RALY: variants seen among roughly 807,000 people sequenced by gnomAD.
The protein encoded by RALY is RALY heterogeneous nuclear ribonucleoprotein.
Under a neutral mutation model 30.7 loss-of-function variants are expected in RALY, and 15 were observed. The observed-to-expected ratio is 0.49, with a 90% CI of 0.33 to 0.75. The LOEUF is 0.75. Among genes scored for constraint, RALY ranks in the 30% least tolerant of loss-of-function variants. RALY has a pLI of 0.02. For synonymous variants in RALY, 177 were observed against 170.8 expected (o/e 1.04, Z -0.28); for missense variants, 339 against 414.3 (o/e 0.82, Z 1.58).
chr20:34,020,971 A>AT (rs1485287803), intron 1 of RALY, among the ~76,000 whole-genome samples: 4 of 148,572 alleles, frequency 2.7e-5, no homozygotes, highest in African/African-American at 9.9e-5. Flanking sequence ...TAATTAGTTT[A>AT]TTTTTTTTGA....
intron 2 of RALY, chr20:34,033,182 T>G (rs2032349194): frequency 6.6e-6 from 1 of 152,356 alleles, no homozygotes; most frequent in Admixed American, 6.5e-5. Flanking sequence ...TCCCTATTTG[T>G]AAAGTTGGAG....
At chr20:34,067,962 T>C (rs2033625196) in intron 2 of RALY, among the ~76,000 whole-genome samples, 2 of 152,084 alleles carry the variant, frequency 1.3e-5, no homozygotes, top group African/African-American at 2.4e-5. Flanking sequence ...TTGTCTCTGC[T>C]ACTCACTAGC....
At position 33,994,047 on chromosome 20, in the gene RALY, C is replaced by G. The variant is rs1194202688; in HGVS notation, c.-177C>G. On this transcript the variant is annotated 5_prime_UTR_variant, in exon 1 of 10. Coordinates refer to ENST00000246194, the MANE Select transcript of RALY (RefSeq NM_016732.3). ...CCAGCCTCTTCCCGCCGCAGCCGCC[C>G]TTTTCCTCCCTCCCTTACGTCCCCG... 1.3e-5 allele frequency: 2 copies of G among 152,278 alleles called. No individual in the cohort carries two copies. The highest frequency in any genetic ancestry group is 2.9e-5 in the Non-Finnish European group (2 of 68,104). 9.4% of individuals were successfully genotyped at this position (152,278 alleles called of 1,614,324 possible). A position where few individuals can be genotyped will look rare whatever the true frequency, so the allele number is the denominator to read the frequency against.
At chr20:34,043,550 A>C (rs1170050141) in intron 2 of RALY, among the ~76,000 whole-genome samples, 7 of 152,230 alleles carry the variant, frequency 4.6e-5, no homozygotes, top group Admixed American at 4.6e-4. Flanking sequence ...TTGCTCATGA[A>C]ACCTCTAAAA....
chr20:34,076,354 G>A (rs1179771495), intron 6 of RALY: 4 of 500,410 alleles, frequency 8.0e-6, no homozygotes, highest in Non-Finnish European at 1.4e-5. Context: ...GTACACACAT[G>A]CTGCTTAACT....
At chr20:34,065,745 C>T (rs189275834) in intron 2 of RALY, among the ~76,000 whole-genome samples, 1 of 152,312 alleles carries the variant, frequency 6.6e-6, no homozygotes, top group East Asian at 1.9e-4. Flanking sequence ...TTCTGAACCA[C>T]CCGGATGTCC....
intron 2 of RALY, among the ~76,000 whole-genome samples, chr20:34,049,807 T>G (rs2123168428): frequency 6.6e-6 from 1 of 152,362 alleles, no homozygotes. Flanking sequence ...TAACAAAAGT[T>G]AGGATTATAA....
At chr20:34,019,333 A>G (rs990196254) in intron 1 of RALY, among the ~76,000 whole-genome samples, 2 of 149,898 alleles carry the variant, frequency 1.3e-5, no homozygotes, top group South Asian at 2.1e-4. Context: ...TCTCAAAAGA[A>G]AAAAAAAAAG....
chr20:34,056,641 C>G (rs947183611), intron 2 of RALY, among the ~76,000 whole-genome samples: 2 of 152,182 alleles, frequency 1.3e-5, no homozygotes, highest in Non-Finnish European at 2.9e-5. Flanking sequence ...GCACTCAAAA[C>G]TTTGTAGACT....
At chr20:33,996,160 T>A (rs1199106606) in intron 1 of RALY, among the ~76,000 whole-genome samples, 1 of 152,220 alleles carries the variant, frequency 6.6e-6, no homozygotes, top group African/African-American at 2.4e-5. Context: ...CTTTTTTTAC[T>A]GTGAGGGAAT....
At chr20:34,077,413 A>C (rs969514162) in intron 8 of RALY, 168 bp downstream of exon 8, 62 of 1,450,746 alleles carry the variant, frequency 4.3e-5, no homozygotes, top group Admixed American at 1.1e-4. Flanking sequence ...AGCAGGGGGC[A>C]CTTGCCTATC....
chr20:34,022,475 C>T (rs1321646064), intron 1 of RALY, among the ~76,000 whole-genome samples: 3 of 152,064 alleles, frequency 2.0e-5, no homozygotes, highest in Non-Finnish European at 1.5e-5. Flanking sequence ...CTTGTTCTGG[C>T]CAGTTTGAAC....
chr20:34,015,845 G>GCACACA (rs148065141), intron 1 of RALY, among the ~76,000 whole-genome samples: 1 of 149,086 alleles, frequency 6.7e-6, no homozygotes, highest in African/African-American at 2.5e-5. Flanking sequence ...TGCAACATGT[G>GCACACA]CACACACACA....
intron 1 of RALY, among the ~76,000 whole-genome samples, chr20:34,013,508 G>A (rs927909625): frequency 1.5e-4 from 23 of 151,378 alleles, no homozygotes; most frequent in African/African-American, 5.3e-4. Flanking sequence ...AAATTGAGCA[G>A]CATCTGTATT....
intron 1 of RALY, among the ~76,000 whole-genome samples, chr20:33,997,993 A>G (rs1281606490): frequency 1.3e-5 from 2 of 152,200 alleles, no homozygotes; most frequent in African/African-American, 2.4e-5. Flanking sequence ...ATTGAATAGA[A>G]TCTTGTAGTT....
chr20:34,055,440 G>C (rs138566907), intron 2 of RALY, among the ~76,000 whole-genome samples: 2 of 152,282 alleles, frequency 1.3e-5, no homozygotes, highest in African/African-American at 4.8e-5. Context: ...CATAGATAAG[G>C]AAGGAAGCAG....
chr20:34,004,220 A>G (rs1489089159), intron 1 of RALY, among the ~76,000 whole-genome samples: 1 of 152,230 alleles, frequency 6.6e-6, no homozygotes, highest in African/African-American at 2.4e-5. Context: ...TTTGTGGACC[A>G]GTGAGTATTT....
chr20:34,038,102 C>T (rs1244608513), intron 2 of RALY, among the ~76,000 whole-genome samples: 2 of 152,198 alleles, frequency 1.3e-5, no homozygotes, highest in Non-Finnish European at 2.9e-5. Flanking sequence ...GAATTGCATG[C>T]AAAGGGCTCT....
At chr20:34,014,463 G>A (rs1453523826) in intron 1 of RALY, among the ~76,000 whole-genome samples, 1 of 152,174 alleles carries the variant, frequency 6.6e-6, no homozygotes, top group Non-Finnish European at 1.5e-5. Context: ...AGTTAAAGTG[G>A]TGGATTATGT....
Sources: allele counts gnomAD v4.1 joint callset (sites outside exome capture counted in the v4.1 genomes callset), GRCh38; gene constraint gnomAD v4.1.1; transcripts MANE v1.5; gene names NCBI Gene and HGNC (gene_info 2026-07-23, HGNC 2026-07-21).